AVEN: variants seen among roughly 807,000 people sequenced by gnomAD.
AVEN encodes the protein cell death regulator Aven.
Under a neutral mutation model 38.1 loss-of-function variants are expected in AVEN, and 41 were observed. That is an observed-to-expected ratio of 1.08 (90% CI 0.84 to 1.40). The LOEUF (loss-of-function observed/expected upper bound fraction) is 1.40, where lower values mean the gene tolerates loss of function less well. Among genes scored for constraint, AVEN ranks in the 40% most tolerant of loss-of-function variants. The probability of loss-of-function intolerance (pLI) is 0.00; values close to 1 mark genes in which losing one functional copy is unlikely to be tolerated. For missense variants in AVEN, 605 were observed against 438.8 expected, an observed-to-expected ratio of 1.38 and a Z score of -3.38; for synonymous variants, 206 against 171.8, an observed-to-expected ratio of 1.20 and a Z score of -1.56.
chr15:33,854,375 T>A (rs1310291679), downstream of AVEN: 1 of 1,555,948 alleles, frequency 6.4e-7, no homozygotes, highest in Non-Finnish European at 8.7e-7. Flanking sequence ...TTAAAATCAC[T>A]TGTTCTTCTC....
intron 5 of AVEN, among the ~76,000 whole-genome samples, chr15:34,055,894 G>A (rs567618733): frequency 6.6e-6 from 1 of 152,136 alleles, no homozygotes; most frequent in Non-Finnish European, 1.5e-5. Context: ...GATTATCCAG[G>A]TAATTCATAT....
chr15:33,952,830 T>C lies in AVEN; in HGVS notation c.445+50202A>G, dbSNP rs558939983. 7.6e-5 allele frequency among the ~76,000 whole-genome samples: 11 copies of C among 144,194 alleles called. No individual in the cohort carries two copies. In the East Asian group the frequency reaches 2.0e-3, roughly 26 times the overall value. The allele number at this position is 144,194 out of a possible 152,430, so 94.6% of individuals were successfully genotyped here. A position where few individuals can be genotyped will look rare whatever the true frequency, so the allele number is the denominator to read the frequency against. On this transcript the variant is annotated intron_variant, in intron 2 of 5. Transcript: ENST00000306730. ...CCAAAACACCAAGTTGGACAGGCCATACACCCTTGTCCATAAGAGGCTAAA... is the reference window on the plus strand; with the variant it reads ...CCAAAACACCAAGTTGGACAGGCCACACACCCTTGTCCATAAGAGGCTAAA...
intron 2 of AVEN, among the ~76,000 whole-genome samples, chr15:33,879,439 T>C (rs1281768398): frequency 1.4e-5 from 2 of 147,856 alleles, no homozygotes; most frequent in Non-Finnish European, 3.0e-5. Flanking sequence ...CATTAGGAGA[T>C]ATATCTAATG....
intron 2 of AVEN, among the ~76,000 whole-genome samples, chr15:33,976,509 G>T (rs558560900): frequency 6.6e-6 from 1 of 152,056 alleles, no homozygotes; most frequent in Admixed American, 6.5e-5. Context: ...GATTTTTTAT[G>T]GCCTCTCCAT....
chr15:33,872,348 G>A lies in AVEN; in HGVS notation c.517-1318C>T, dbSNP rs58113654. Reference sequence around the variant, plus strand: ...ACACTCTTTAGTAAGAAAAGAACCCGCTATATACTTCACTTTGCAGCTAAA... The same window carrying A: ...ACACTCTTTAGTAAGAAAAGAACCCACTATATACTTCACTTTGCAGCTAAA... On this transcript the variant is annotated intron_variant, in intron 3 of 5. Transcript: ENST00000306730. Among the ~76,000 whole-genome samples the A allele has an allele frequency of 5.6e-3, 849 of 152,232 alleles. 7 individuals are homozygous for A. The highest frequency in any genetic ancestry group is 0.019 in the African/African-American group (775 of 41,510).
chr15:34,032,352 T>A (rs545048258), intron 1 of AVEN, among the ~76,000 whole-genome samples: 1 of 151,882 alleles, frequency 6.6e-6, no homozygotes, highest in Non-Finnish European at 1.5e-5. Context: ...GGAAAAAAAA[T>A]AAGAAAACCA....
chr15:33,882,542 T>C (rs1597187700), intron 2 of AVEN, among the ~76,000 whole-genome samples: 2 of 142,130 alleles, frequency 1.4e-5, no homozygotes, highest in African/African-American at 5.2e-5. Context: ...CAAATAATTG[T>C]GTGAAGAAGC....
intron 2 of AVEN, among the ~76,000 whole-genome samples, chr15:33,896,659 A>G (rs934729217): frequency 2.6e-5 from 4 of 152,058 alleles, no homozygotes; most frequent in African/African-American, 4.8e-5. Context: ...TTAACAATCA[A>G]CTCTGAAGCT....
chr15:33,855,209 T>A (rs1018192620), downstream of AVEN, among the ~76,000 whole-genome samples: 1 of 152,084 alleles, frequency 6.6e-6, no homozygotes, highest in Non-Finnish European at 1.5e-5. Context: ...GAGATCTTTT[T>A]TTTTTTGTGA....
At chr15:34,040,282 C>G (rs548230916), upstream of AVEN, among the ~76,000 whole-genome samples, 1 of 152,240 alleles carries the variant, frequency 6.6e-6, no homozygotes, top group South Asian at 2.1e-4. Flanking sequence ...GTGAGAGATT[C>G]AAGATCAAGG....
chr15:33,975,915 G>A (rs1895864402), intron 2 of AVEN, among the ~76,000 whole-genome samples: 1 of 152,112 alleles, frequency 6.6e-6, no homozygotes, highest in Non-Finnish European at 1.5e-5. Context: ...GGGTGACAGA[G>A]TGACTATGTC....
chr15:34,057,654 A>G (rs1049270363), intron 5 of AVEN, among the ~76,000 whole-genome samples: 1 of 152,168 alleles, frequency 6.6e-6, no homozygotes, highest in Non-Finnish European at 1.5e-5. Flanking sequence ...AGTTGGAGCC[A>G]TATGTTGTAG....
chr15:33,866,497 T>A lies in AVEN; in HGVS notation c.*116A>T. The A allele has an allele frequency of 2.9e-6, 2 of 699,502 alleles. No homozygotes were observed. Among genetic ancestry groups the A allele is most frequent in the Non-Finnish European group, 5.0e-6 (2 of 402,706 alleles). 43.3% of individuals were successfully genotyped at this position (699,502 alleles called of 1,614,324 possible). ...TAGGCATTTACTGCTGTGAGCATAATGGAACACACTAGCTTGAGACATGCT... is the reference window on the plus strand; with the variant it reads ...TAGGCATTTACTGCTGTGAGCATAAAGGAACACACTAGCTTGAGACATGCT... On this transcript the variant is annotated 3_prime_UTR_variant, in exon 6 of 6. Coordinates refer to ENST00000306730, the MANE Select transcript of AVEN (RefSeq NM_020371.3).
At chr15:33,862,997 A>G (rs1888982026), downstream of AVEN, among the ~76,000 whole-genome samples, 2 of 152,200 alleles carry the variant, frequency 1.3e-5, no homozygotes, top group African/African-American at 4.8e-5. Flanking sequence ...TTAAGAGAAT[A>G]TACATCTTAA....
intron 1 of AVEN, among the ~76,000 whole-genome samples, chr15:34,010,448 A>T (rs527511500): frequency 6.6e-6 from 1 of 152,174 alleles, no homozygotes; most frequent in Non-Finnish European, 1.5e-5. Flanking sequence ...TAACAACCAG[A>T]CAACAGATCC....
intron 2 of AVEN, among the ~76,000 whole-genome samples, chr15:33,921,994 T>G (rs1388248879): frequency 2.0e-5 from 3 of 152,198 alleles, no homozygotes; most frequent in Non-Finnish European, 4.4e-5. Flanking sequence ...GTAGTTAACC[T>G]GGTCAATTCT....
chr15:33,862,032 A>T (rs1888431416), downstream of AVEN, among the ~76,000 whole-genome samples: 1 of 152,186 alleles, frequency 6.6e-6, no homozygotes. Context: ...AAGTTACTTG[A>T]ACCTATTGGG....
At chr15:33,864,532 A>G (rs556300113), downstream of AVEN, among the ~76,000 whole-genome samples, 3 of 152,322 alleles carry the variant, frequency 2.0e-5, no homozygotes, top group African/African-American at 7.2e-5. Flanking sequence ...CAACGGAGTG[A>G]GAGACAGGCT....
chr15:33,990,982 T>C (rs565856194), intron 2 of AVEN: 188 of 152,298 alleles, frequency 1.2e-3, no homozygotes, highest in African/African-American at 4.4e-3. Context: ...CTCTGATTAG[T>C]ACAAAATGTC....
Sources: gnomAD v4.1 joint callset for allele counts (sites outside exome capture counted in the v4.1 genomes callset) on GRCh38, gnomAD v4.1.1 for gene constraint, MANE v1.5 for transcripts, NCBI Gene and HGNC (gene_info 2026-07-23, HGNC 2026-07-21) for gene names.